The following DGKB variants were observed in gnomAD, a reference collection of about 807,000 sequenced individuals.
The protein encoded by DGKB is diacylglycerol kinase beta.
DGKB carries 67 observed loss-of-function variants against 114.3 expected under a neutral mutation model. The ratio of observed to expected loss-of-function variants is 0.59; its 90% confidence interval spans 0.48 to 0.72. The LOEUF (loss-of-function observed/expected upper bound fraction) is 0.72, where lower values mean the gene tolerates loss of function less well. Among genes scored for constraint, DGKB ranks in the 30% least tolerant of loss-of-function variants. The probability of loss-of-function intolerance (pLI) is 0.00; values close to 1 mark genes in which losing one functional copy is unlikely to be tolerated. For synonymous variants in DGKB, 398 were observed against 323.1 expected (o/e 1.23, Z -2.49); for missense variants, 907 against 975.2 (o/e 0.93, Z 0.93).
chr7:14,556,638 A>C (rs1397385138), intron 20 of DGKB, among the ~76,000 whole-genome samples: 2 of 152,186 alleles, frequency 1.3e-5, no homozygotes, highest in African/African-American at 2.4e-5. Context: ...TTTTTATTTA[A>C]AACAAATAAT....
At chr7:14,495,781 G>T (rs995966701) in intron 20 of DGKB, among the ~76,000 whole-genome samples, 2 of 151,740 alleles carry the variant, frequency 1.3e-5, no homozygotes, top group Non-Finnish European at 3.0e-5. Flanking sequence ...AGGAAGCCTA[G>T]CTAGACAAAG....
intron 16 of DGKB, among the ~76,000 whole-genome samples, chr7:14,610,224 A>G (rs1366096782): frequency 2.6e-5 from 4 of 152,132 alleles, no homozygotes; most frequent in African/African-American, 9.6e-5. Flanking sequence ...CTTTGCAGCA[A>G]TATGGATGGA....
chr7:14,379,707 G>A (rs1370969524), intron 21 of DGKB, among the ~76,000 whole-genome samples: 2 of 151,996 alleles, frequency 1.3e-5, no homozygotes, highest in Non-Finnish European at 2.9e-5. Flanking sequence ...TTACAGGCAC[G>A]TGCCACCACG....
chr7:14,329,802 C>A (rs1242135290), intron 23 of DGKB, among the ~76,000 whole-genome samples: 1 of 151,922 alleles, frequency 6.6e-6, no homozygotes, highest in Non-Finnish European at 1.5e-5. Context: ...AGAAGGTATA[C>A]TCTACATGTG....
intron 16 of DGKB, among the ~76,000 whole-genome samples, chr7:14,612,381 G>A (rs6943134): frequency 0.55 from 83,352 of 151,538 alleles, 24,609 homozygotes; most frequent in Admixed American, 0.69. Flanking sequence ...ATGTTGGCCA[G>A]GCTGGTCTCA....
chr7:14,645,984 A>C (rs1013346250), intron 13 of DGKB, among the ~76,000 whole-genome samples: 1 of 152,208 alleles, frequency 6.6e-6, no homozygotes, highest in Admixed American at 6.5e-5. Flanking sequence ...AATACAAAAC[A>C]ATCAGAAAAC....
At chr7:14,345,715 T>C (rs1812368158) in intron 21 of DGKB, among the ~76,000 whole-genome samples, 1 of 151,694 alleles carries the variant, frequency 6.6e-6, no homozygotes, top group South Asian at 2.1e-4. Flanking sequence ...GAATGTACAA[T>C]AGTGGGAAAT....
upstream of DGKB, among the ~76,000 whole-genome samples, chr7:14,905,347 T>C (rs569204834): frequency 6.7e-6 from 1 of 150,112 alleles, no homozygotes; most frequent in Admixed American, 6.7e-5. Flanking sequence ...AGGAAGAAAA[T>C]TTTCAGTTAA....
chr7:14,747,041 A>C (rs1378362039), intron 4 of DGKB, among the ~76,000 whole-genome samples: 1 of 152,186 alleles, frequency 6.6e-6, no homozygotes, highest in Non-Finnish European at 1.5e-5. Context: ...TTTCTACAAG[A>C]TGACATCACA....
At chr7:14,459,159 C>G (rs1832725280) in intron 21 of DGKB, among the ~76,000 whole-genome samples, 1 of 152,154 alleles carries the variant, frequency 6.6e-6, no homozygotes, top group Non-Finnish European at 1.5e-5. Flanking sequence ...CTCAATTCCT[C>G]CTCTCTGGGC....
At chr7:14,853,602 C>G (rs772147753) in intron 1 of DGKB, among the ~76,000 whole-genome samples, 1 of 151,772 alleles carries the variant, frequency 6.6e-6, no homozygotes, top group East Asian at 1.9e-4. Flanking sequence ...CACAGTGGCT[C>G]ACGCCTGTAA....
At chr7:14,392,995 G>GTTTTTGTTTTTTTTTTGTTTTTT in intron 21 of DGKB, among the ~76,000 whole-genome samples, 1 of 60,546 alleles carries the variant, frequency 1.7e-5, no homozygotes, top group Non-Finnish European at 3.4e-5. Context: ...TTTTGTTTTT[G>GTTTTTGTTTTTTTTTTGTTTTTT]TTTTTTTTTT....
chr7:14,832,655 A>G (rs1415271512), intron 2 of DGKB, among the ~76,000 whole-genome samples: 7 of 152,062 alleles, frequency 4.6e-5, no homozygotes, highest in Non-Finnish European at 1.0e-4. Flanking sequence ...AATACTTTCA[A>G]TCACTTATTC....
intron 1 of DGKB, among the ~76,000 whole-genome samples, chr7:14,936,066 T>C (rs1785258503): frequency 6.6e-6 from 1 of 152,132 alleles, no homozygotes; most frequent in Admixed American, 6.6e-5. Flanking sequence ...GAAACTAAGA[T>C]GCATGATTTT....
At chr7:14,419,381 C>T (rs2128760328) in intron 21 of DGKB, among the ~76,000 whole-genome samples, 1 of 151,884 alleles carries the variant, frequency 6.6e-6, no homozygotes, top group Non-Finnish European at 1.5e-5. Flanking sequence ...TTTCTTTGTC[C>T]AATTCTCAGT....
At chr7:14,245,137 G>T (rs1261678907) in intron 23 of DGKB, among the ~76,000 whole-genome samples, 1 of 151,834 alleles carries the variant, frequency 6.6e-6, no homozygotes, top group Non-Finnish European at 1.5e-5. Context: ...CAGATTTACT[G>T]TATATTAGGG....
At chr7:14,378,763 C>T (rs1359734854) in intron 21 of DGKB, among the ~76,000 whole-genome samples, 1 of 152,180 alleles carries the variant, frequency 6.6e-6, no homozygotes, top group East Asian at 1.9e-4. Flanking sequence ...TCAAAATGTG[C>T]AGAAAGTCCC....
Position 14,968,613 on chromosome 7 carries a change from T to A in DGKB, c.-188+6083A>T, listed in dbSNP as rs1023548230. 3.3e-5 allele frequency among the ~76,000 whole-genome samples: 5 copies of A among 152,142 alleles called. No homozygotes were observed. The East Asian group carries it at 7.7e-4, about 23-fold the overall frequency. Reference sequence around the variant, plus strand: ...AAGGAACCTGAGTGTCATCCAGCTGTTTCTATTAGCCATTGTTTGGATTCT... The same window carrying A: ...AAGGAACCTGAGTGTCATCCAGCTGATTCTATTAGCCATTGTTTGGATTCT... On this transcript the variant is annotated intron_variant, in intron 1 of 4. Transcript: ENST00000437998.
chr7:14,295,577 A>C (rs973868304), intron 23 of DGKB, among the ~76,000 whole-genome samples: 1 of 151,588 alleles, frequency 6.6e-6, no homozygotes, highest in African/African-American at 2.4e-5. Context: ...TTTTTTTTTT[A>C]ATAGATAGGT....
Sources: allele counts gnomAD v4.1 joint callset (sites outside exome capture counted in the v4.1 genomes callset), GRCh38; gene constraint gnomAD v4.1.1; transcripts MANE v1.5; gene names NCBI Gene and HGNC (gene_info 2026-07-23, HGNC 2026-07-21).